The following CNTN4 variants were observed in gnomAD, a reference collection of about 807,000 sequenced individuals.
CNTN4 encodes the protein contactin-4.
CNTN4 carries 77 observed loss-of-function variants against 122.5 expected under a neutral mutation model. The ratio of observed to expected loss-of-function variants is 0.63; its 90% CI spans 0.52 to 0.76. The LOEUF (loss-of-function observed/expected upper bound fraction) is 0.76. CNTN4 is among the 30% of genes least tolerant of loss of function. The pLI is 0.00. For synonymous variants in CNTN4, 512 were observed against 447.0 expected, an observed-to-expected ratio of 1.15 and a Z score of -1.83; for missense variants, 1,256 against 1,259.1, an observed-to-expected ratio of 1.00 and a Z score of 0.04.
chr3:3,030,558 C>T (rs996715628), intron 15 of CNTN4, among the ~76,000 whole-genome samples: 3 of 152,166 alleles, frequency 2.0e-5, no homozygotes, highest in Non-Finnish European at 4.4e-5. Context: ...CGAGAGCCAC[C>T]GTAGTACGTA....
At chr3:2,513,629 T>C (rs1382872) in intron 3 of CNTN4, among the ~76,000 whole-genome samples, 33,689 of 152,016 alleles carry the variant, frequency 0.22, 5,660 homozygotes, top group African/African-American at 0.48. Context: ...AATTTCAACT[T>C]ATACCTTACA....
chr3:2,325,604 T>G (rs1268705872), intron 2 of CNTN4, among the ~76,000 whole-genome samples: 1 of 152,190 alleles, frequency 6.6e-6, no homozygotes, highest in Non-Finnish European at 1.5e-5. Context: ...CTCCAGTGGA[T>G]GTTCACAATT....
At chr3:2,471,381 GGA>G (rs1318988325) in intron 3 of CNTN4, among the ~76,000 whole-genome samples, 1 of 152,198 alleles carries the variant, frequency 6.6e-6, no homozygotes, top group African/African-American at 2.4e-5. Context: ...TCTATGGAAA[GGA>G]GAGAGTTAAA....
chr3:2,297,149 G>A (rs2042343408), intron 2 of CNTN4, among the ~76,000 whole-genome samples: 1 of 152,144 alleles, frequency 6.6e-6, no homozygotes, highest in Admixed American at 6.5e-5. Context: ...CAACCGTAAT[G>A]TCTTTCAATC....
At chr3:2,725,146 C>G (rs2088133883) in intron 4 of CNTN4, among the ~76,000 whole-genome samples, 1 of 152,174 alleles carries the variant, frequency 6.6e-6, no homozygotes, top group Admixed American at 6.5e-5. Flanking sequence ...CATTTGATTT[C>G]AGAGCCATGC....
At chr3:2,531,767 T>C (rs1244432509) in intron 3 of CNTN4, among the ~76,000 whole-genome samples, 1 of 152,132 alleles carries the variant, frequency 6.6e-6, no homozygotes, top group Non-Finnish European at 1.5e-5. Context: ...ATATTAATGG[T>C]GATGAATGCT....
intron 7 of CNTN4, among the ~76,000 whole-genome samples, chr3:2,860,852 A>T (rs1007967366): frequency 6.6e-6 from 1 of 152,190 alleles, no homozygotes; most frequent in Non-Finnish European, 1.5e-5. Context: ...TTCTGAAACC[A>T]AACACTCTTG....
intron 6 of CNTN4, among the ~76,000 whole-genome samples, chr3:2,794,317 T>G (rs1320667762): frequency 6.6e-6 from 1 of 152,224 alleles, no homozygotes; most frequent in African/African-American, 2.4e-5. Context: ...ACACTGATTC[T>G]CAGAGAGATC....
At chr3:2,565,839 G>T (rs2079134596) in intron 3 of CNTN4, among the ~76,000 whole-genome samples, 1 of 152,068 alleles carries the variant, frequency 6.6e-6, no homozygotes, top group Non-Finnish European at 1.5e-5. Context: ...TTAGCTAATT[G>T]TAGAGTTAGG....
chr3:3,052,263 T>C (rs1701343931), intron 23 of CNTN4, among the ~76,000 whole-genome samples: 1 of 152,150 alleles, frequency 6.6e-6, no homozygotes, highest in African/African-American at 2.4e-5. Flanking sequence ...TAGAGAGTTC[T>C]TTGTTGCGGG....
chr3:2,576,530 T>A (rs1358593838), intron 4 of CNTN4, among the ~76,000 whole-genome samples: 1 of 149,528 alleles, frequency 6.7e-6, no homozygotes, highest in East Asian at 2.0e-4. Flanking sequence ...TATTTTATTT[T>A]ATTTTTGTTA....
chr3:2,225,386 C>T (rs188689179), intron 2 of CNTN4, among the ~76,000 whole-genome samples: 154 of 151,788 alleles, frequency 1.0e-3, no homozygotes, highest in African/African-American at 3.3e-3. Context: ...TGGTGGTGGG[C>T]GCCTGTAATC....
At chr3:2,301,150 A>G (rs2042502531) in intron 2 of CNTN4, among the ~76,000 whole-genome samples, 2 of 152,228 alleles carry the variant, frequency 1.3e-5, no homozygotes, top group East Asian at 1.9e-4. Flanking sequence ...TACAATAATA[A>G]TGATACAATC....
chr3:2,623,791 C>G (rs1254127173), intron 4 of CNTN4, among the ~76,000 whole-genome samples: 1 of 152,090 alleles, frequency 6.6e-6, no homozygotes, highest in Admixed American at 6.5e-5. Flanking sequence ...AGCAGAGTGT[C>G]CCCTGACTAG....
At chr3:2,543,898 A>G (rs772788657) in intron 3 of CNTN4, among the ~76,000 whole-genome samples, 2 of 152,170 alleles carry the variant, frequency 1.3e-5, no homozygotes, top group Non-Finnish European at 2.9e-5. Context: ...ACTTTTAAAA[A>G]ATCATTCAAT....
chr3:2,388,502 A>G (rs2046326780), intron 3 of CNTN4, among the ~76,000 whole-genome samples: 1 of 152,216 alleles, frequency 6.6e-6, no homozygotes, highest in Non-Finnish European at 1.5e-5. Flanking sequence ...TTCTCTCAGA[A>G]TAAAATCCAC....
chr3:2,133,715 T>C (rs899130722), intron 2 of CNTN4, among the ~76,000 whole-genome samples: 4 of 152,286 alleles, frequency 2.6e-5, no homozygotes, highest in African/African-American at 9.6e-5. Flanking sequence ...TATTCTAACA[T>C]AGCGAAATAA....
chr3:2,859,237 TTTA>T (rs1167806169), intron 7 of CNTN4, among the ~76,000 whole-genome samples: 2 of 152,220 alleles, frequency 1.3e-5, no homozygotes, highest in Non-Finnish European at 2.9e-5. Flanking sequence ...ATAACAGTAT[TTTA>T]TTATTTTTAT....
chr3:2,292,156 G>A (rs980557231), intron 2 of CNTN4, among the ~76,000 whole-genome samples: 1 of 152,152 alleles, frequency 6.6e-6, no homozygotes, highest in African/African-American at 2.4e-5. Flanking sequence ...TACTTGTATT[G>A]TCACTTCTAC....
Sources: allele counts gnomAD v4.1 joint callset (sites outside exome capture counted in the v4.1 genomes callset), GRCh38; gene constraint gnomAD v4.1.1; transcripts MANE v1.5; gene names NCBI Gene and HGNC (gene_info 2026-07-23, HGNC 2026-07-21).